ZFHX4: variants seen among roughly 807,000 people sequenced by gnomAD.
The protein encoded by ZFHX4 is zinc finger homeobox 4, also known as zinc finger homeobox protein 4.
Under a neutral mutation model 267.6 loss-of-function variants are expected in ZFHX4, and 56 were observed. The ratio of observed to expected loss-of-function variants is 0.21; its 90% CI spans 0.17 to 0.26. The LOEUF is 0.26. Among genes scored for constraint, ZFHX4 ranks in the 10% least tolerant of loss-of-function variants. The probability of loss-of-function intolerance (pLI) is 1.00; values close to 1 mark genes in which losing one functional copy is unlikely to be tolerated. For synonymous variants in ZFHX4, 1,778 were observed against 1,665.6 expected, an observed-to-expected ratio of 1.07 and a Z score of -1.64; for missense variants, 4,332 against 4,420.0, an observed-to-expected ratio of 0.98 and a Z score of 0.56.
chr8:76,723,020 C>T (rs1363454098), intron 3 of ZFHX4, among the ~76,000 whole-genome samples: 18 of 151,962 alleles, frequency 1.2e-4, no homozygotes, highest in Non-Finnish European at 2.5e-4. Flanking sequence ...GAATGTAGCT[C>T]GTAGAAAATA....
chr8:76,838,176 G>A lies in ZFHX4; in HGVS notation c.3395-4479G>A, dbSNP rs568400780. On this transcript the variant is annotated intron_variant, in intron 5 of 10. Transcript: ENST00000651372. ...CTACAAACAGTTGGGTTTCTTGAAC[G>A]GTGGTTACAAAATGTGAGCTGGACC... Among the ~76,000 whole-genome samples the A allele has an allele frequency of 7.9e-5, 12 of 152,260 alleles. No individual in the cohort carries two copies. The South Asian group carries it at 1.2e-3, about 16-fold the overall frequency.
In ZFHX4 at chr8:76,850,245, G is replaced by A. The variant is rs1433481502; in HGVS notation, c.3847G>A (p.Val1283Met). 18 of 1,610,660 alleles carry A rather than the reference G, an allele frequency of 1.1e-5. No homozygotes were observed. The highest frequency in any genetic ancestry group is 1.5e-5 in the Non-Finnish European group (18 of 1,178,684). Residue 1283 changes from valine to methionine, a missense_variant and splice_region_variant, in exon 9 of 11, where the codon GTG (valine) becomes ATG (methionine). Physicochemically the swap from Val to Met is conservative, Grantham distance 21 (BLOSUM62 1). Transcript: ENST00000651372. ...PDCVEKLLMT[V>M]PVPDVMMPNS... ...ACATAAACCCCTTTGGTTTCCAAAG[G>A]TGCCTGTCCCTGATGTGATGATGCC...
At chr8:76,790,713 G>C (rs1036269614) in intron 4 of ZFHX4, among the ~76,000 whole-genome samples, 3 of 152,080 alleles carry the variant, frequency 2.0e-5, no homozygotes, top group African/African-American at 7.2e-5. Context: ...ACTATCATCA[G>C]TTATCTTTTT....
At position 76,863,123 on chromosome 8, in the gene ZFHX4, G is replaced by A; in HGVS notation, c.9409G>A (p.Gly3137Arg). 1 of 1,532,484 alleles carries A rather than the reference G, an allele frequency of 6.5e-7. No homozygotes were observed. The highest frequency in any genetic ancestry group is 1.3e-5 in the South Asian group (1 of 79,796). 94.9% of individuals were successfully genotyped at this position (1,532,484 alleles called of 1,614,324 possible). ...AACACCTCCCGGTGCAGGCATGCTT[G>A]GGTTTCCTACTTCAGCTACTTCGTC... ...TLTPPGAGML[G>R]FPTSATSSPA... is the part of the protein sequence containing the mutation. The change falls in exon 11 of 11, where the codon GGG becomes AGG. Residue 3137 changes from glycine to arginine, a missense_variant. Physicochemically the swap from Gly to Arg is moderately radical, Grantham distance 125 (BLOSUM62 -2). Transcript: ENST00000651372.
At chr8:76,711,252 A>C (rs1354728846) in intron 3 of ZFHX4, among the ~76,000 whole-genome samples, 1 of 152,128 alleles carries the variant, frequency 6.6e-6, no homozygotes, top group Non-Finnish European at 1.5e-5. Context: ...AATCTTACCC[A>C]TTTCTTCAAG....
Position 76,707,577 on chromosome 8 carries a change from T to A in ZFHX4, c.2622T>A (p.Leu874=), listed in dbSNP as rs374265772. 47 of 1,595,890 alleles carry A rather than the reference T, an allele frequency of 2.9e-5. No individual in the cohort carries two copies. The highest frequency in any genetic ancestry group is 3.8e-5 in the Non-Finnish European group (44 of 1,169,088). ...ATGAGCTGCCGCCTGAAATCCGGCT[T>A]GCCAGTGGTCAGCTAATGGGTGATG... is the stretch of plus-strand genomic sequence containing the variant. ...VNNELPPEIR[L]ASGQLMGDDL... The change falls in exon 3 of 11, where the codon CTT becomes CTA. Residue 874 remains leucine (L), a synonymous_variant. Coordinates refer to ENST00000651372, the MANE Select transcript of ZFHX4 (RefSeq NM_024721.5).
At chr8:76,808,115 T>G (rs200315180) in intron 4 of ZFHX4, among the ~76,000 whole-genome samples, 1 of 152,134 alleles carries the variant, frequency 6.6e-6, no homozygotes, top group African/African-American at 2.4e-5. Context: ...TAAACTGTTA[T>G]TTTTAGCTAC....
chr8:76,850,908 A>G lies in ZFHX4; in HGVS notation c.3987A>G (p.Lys1329=). 6.2e-7 allele frequency: 1 copy of G among 1,608,928 alleles called. No individual in the cohort carries two copies. The highest frequency in any genetic ancestry group is 8.5e-7 in the Non-Finnish European group (1 of 1,177,688). ...KYSGESPMDD[K]SMAGLEDSKA... ...TAGGTGAAAGTCCAATGGATGACAA[A>G]AGCATGGCAGGTCTCGAGGATTCAA... The change falls in exon 10 of 11, where the codon AAA becomes AAG. Residue 1329 remains lysine (K), a synonymous_variant. Transcript: ENST00000651372.
chr8:76,744,992 G>T (rs1424777727), intron 3 of ZFHX4, among the ~76,000 whole-genome samples: 1 of 151,984 alleles, frequency 6.6e-6, no homozygotes, highest in Non-Finnish European at 1.5e-5. Flanking sequence ...GTCAGTGTAG[G>T]AATTGCTGCT....
At chr8:76,759,109 A>G (rs1371091837) in intron 3 of ZFHX4, among the ~76,000 whole-genome samples, 2 of 152,212 alleles carry the variant, frequency 1.3e-5, no homozygotes, top group Non-Finnish European at 2.9e-5. Context: ...TTGGTGAAAA[A>G]TGTAAAACTC....
intron 1 of ZFHX4, among the ~76,000 whole-genome samples, chr8:76,701,013 C>T (rs918202118): frequency 3.3e-5 from 5 of 152,116 alleles, no homozygotes; most frequent in Middle Eastern, 3.4e-3. Context: ...AAAACTTTAT[C>T]GTAAATTTCT....
chr8:76,797,747 A>C (rs951435011), intron 4 of ZFHX4, among the ~76,000 whole-genome samples: 2 of 152,162 alleles, frequency 1.3e-5, no homozygotes, highest in East Asian at 3.9e-4. Context: ...TCTAGTAATG[A>C]TGCTGCTGGG....
intron 10 of ZFHX4, among the ~76,000 whole-genome samples, chr8:76,857,276 T>G (rs1812755450): frequency 6.6e-6 from 1 of 151,300 alleles, no homozygotes; most frequent in South Asian, 2.1e-4. Flanking sequence ...TAAGTTTTGT[T>G]TTCTAAATTA....
chr8:76,737,258 T>C (rs941668436), intron 3 of ZFHX4, among the ~76,000 whole-genome samples: 4 of 152,172 alleles, frequency 2.6e-5, no homozygotes, highest in African/African-American at 9.6e-5. Context: ...TAGTTATAAC[T>C]GATACAGATT....
intron 4 of ZFHX4, among the ~76,000 whole-genome samples, chr8:76,798,030 A>G (rs1811026272): frequency 6.6e-6 from 1 of 152,174 alleles, no homozygotes; most frequent in African/African-American, 2.4e-5. Context: ...CCATTTTTGT[A>G]TACTAGGAAG....
chr8:76,745,103 TA>T (rs1404965976), intron 3 of ZFHX4, among the ~76,000 whole-genome samples: 1 of 152,140 alleles, frequency 6.6e-6, no homozygotes, highest in Non-Finnish European at 1.5e-5. Context: ...CCTCTTCCAC[TA>T]AAAAACATAC....
In ZFHX4 at chr8:76,815,972, G is replaced by C. The variant is rs117566090; in HGVS notation, c.3326-17366G>C. Among the ~76,000 whole-genome samples the C allele has an allele frequency of 5.0e-4, 76 of 152,300 alleles. No individual in the cohort carries two copies. The East Asian group carries it at 0.012, about 23-fold the overall frequency. The stretch of plus-strand genomic sequence containing the variant: ...GTGAATTACTGTCCAGTCTTATGAG[G>C]TCTTGTCGTTAACCTTGTTGCTAGT... On this transcript the variant is annotated intron_variant, in intron 4 of 10. Coordinates refer to ENST00000651372, the MANE Select transcript of ZFHX4 (RefSeq NM_024721.5).
At chr8:76,748,469 G>A (rs1038328536) in intron 3 of ZFHX4, among the ~76,000 whole-genome samples, 1 of 151,904 alleles carries the variant, frequency 6.6e-6, no homozygotes. Context: ...ACAAGATCTC[G>A]CTGTCCTCAG....
chr8:76,784,510 G>A lies in ZFHX4; in HGVS notation c.3325+6071G>A, dbSNP rs532233029. Among the ~76,000 whole-genome samples, 15 of 152,082 alleles carry A rather than the reference G, an allele frequency of 9.9e-5. No individual in the cohort carries two copies. In the South Asian group the frequency reaches 2.9e-3, roughly 29 times the overall value. On this transcript the variant is annotated intron_variant, in intron 4 of 10. Coordinates refer to ENST00000651372, the MANE Select transcript of ZFHX4 (RefSeq NM_024721.5). The stretch of plus-strand genomic sequence containing the variant: ...TGTCATTGCTCTAGCCATGGGTGAT[G>A]TGCTAATGTGTGGGCCGCCATTTTC...
Sources: allele counts gnomAD v4.1 joint callset (sites outside exome capture counted in the v4.1 genomes callset), GRCh38; gene constraint gnomAD v4.1.1; transcripts MANE v1.5; gene names NCBI Gene and HGNC (gene_info 2026-07-23, HGNC 2026-07-21).